The following MRPL45 variants were observed in gnomAD, a reference collection of about 807,000 sequenced individuals.
The protein encoded by MRPL45 is mitochondrial ribosomal protein L45.
A neutral mutation model predicts 38.1 loss-of-function variants in MRPL45; 20 were observed. The ratio of observed to expected loss-of-function variants is 0.53; its 90% CI spans 0.37 to 0.76. MRPL45 has a LOEUF of 0.76. Ranked by LOEUF, MRPL45 falls within the 30% of genes least tolerant of loss-of-function variation. The pLI is 0.00. For missense variants in MRPL45, 337 were observed against 395.6 expected, an observed-to-expected ratio of 0.85 and a Z score of 1.26; for synonymous variants, 105 against 128.8, an observed-to-expected ratio of 0.82 and a Z score of 1.25.
At position 38,322,155 on chromosome 17, in the gene MRPL45, G is replaced by A; in HGVS notation, c.690G>A (p.Arg230=). 2.5e-6 allele frequency: 4 copies of A among 1,614,168 alleles called. No individual in the cohort carries two copies. Among genetic ancestry groups the A allele is most frequent in the Non-Finnish European group, 3.4e-6 (4 of 1,180,022 alleles). ...TGGCCATCTATGACCGGTTTGGCCG[G>A]TTGATGTATGGACAGGAAGATGTAC... The part of the protein sequence containing the change: ...QTLAIYDRFG[R]LMYGQEDVPK... Residue 230 remains arginine (R), a synonymous_variant, in exon 7 of 8, where the codon CGG becomes CGA. Coordinates refer to ENST00000613675, the MANE Select transcript of MRPL45 (RefSeq NM_032351.6).
At chr17:38,318,206 CAAAAAAA>C (rs1163303123) in intron 4 of MRPL45, among the ~76,000 whole-genome samples, 1 of 57,666 alleles carries the variant, frequency 1.7e-5, no homozygotes, top group Admixed American at 2.4e-4. Context: ...GACTCTGTCT[CAAAAAAA>C]AAAAAAAAAA....
chr17:38,304,850 CTTT>C (rs113236896), intron 3 of MRPL45, among the ~76,000 whole-genome samples: 19 of 137,152 alleles, frequency 1.4e-4, no homozygotes, highest in Non-Finnish European at 1.1e-4. Context: ...CCGTAACTTC[CTTT>C]TTTTTTTTTT....
In MRPL45 at chr17:38,320,743, C is replaced by G; in HGVS notation, c.636C>G (p.Ile212Met). ...ACCAGGGCAACGTGTACGGCCAGAT[C>G]ACCGTACGCATGCACACCCGGCAGG... ...MMNQGNVYGQ[I>M]TVRMHTRQTL... Residue 212 changes from isoleucine to methionine, a missense_variant, in exon 6 of 8, where the codon ATC (isoleucine) becomes ATG (methionine). Coordinates refer to ENST00000613675, the MANE Select transcript of MRPL45 (RefSeq NM_032351.6). The G allele has an allele frequency of 3.7e-6, 6 of 1,614,124 alleles. No individual in the cohort carries two copies. The highest frequency in any genetic ancestry group is 1.3e-5 in the African/African-American group (1 of 75,048).
At chr17:38,302,512 T>C (rs1358799430) in intron 3 of MRPL45, among the ~76,000 whole-genome samples, 1 of 126,332 alleles carries the variant, frequency 7.9e-6, no homozygotes, top group Non-Finnish European at 1.5e-5. Flanking sequence ...AAAAGTTTGT[T>C]TTTTTTTTTT....
intron 5 of MRPL45, 63 bp downstream of exon 5, chr17:38,318,798 C>T (rs2037199677): frequency 1.8e-6 from 2 of 1,124,422 alleles, no homozygotes; most frequent in Non-Finnish European, 2.6e-6. Context: ...GATGGCGTCT[C>T]TGGTTTTTCT....
intron 3 of MRPL45, among the ~76,000 whole-genome samples, chr17:38,302,486 C>CAAA (rs1301214106): frequency 3.2e-4 from 18 of 55,762 alleles, no homozygotes; most frequent in South Asian, 1.0e-3. Context: ...GACTCCATCT[C>CAAA]AAAAAAAAAA....
intron 6 of MRPL45, among the ~76,000 whole-genome samples, chr17:38,321,719 TATG>T (rs2037231412): frequency 6.7e-6 from 1 of 149,138 alleles, no homozygotes; most frequent in Non-Finnish European, 1.5e-5. Context: ...AGATTTTTCT[TATG>T]GTGGTTTCAA....
chr17:38,305,393 G>A (rs1439445855), intron 3 of MRPL45, among the ~76,000 whole-genome samples: 2 of 145,034 alleles, frequency 1.4e-5, no homozygotes, highest in African/African-American at 5.0e-5. Context: ...CTTGAACCCA[G>A]GAGGCAGAGG....
At chr17:38,313,344 ATACG>A (rs1343252781) in intron 4 of MRPL45, among the ~76,000 whole-genome samples, 1 of 19,478 alleles carries the variant, frequency 5.1e-5, no homozygotes, top group African/African-American at 2.2e-4. Context: ...ATATATATAT[ATACG>A]TATATATATA....
rs1275238458 is a variant in MRPL45, at chr17:38,315,909, ATT to A, written c.462-2777_462-2776del. 5.3e-5 allele frequency among the ~76,000 whole-genome samples: 8 copies of A among 151,884 alleles called. No individual in the cohort carries two copies. In the South Asian group the frequency reaches 1.3e-3, roughly 24 times the overall value. The stretch of plus-strand genomic sequence containing the variant: ...TGCCTCAGTCTCCCAAGTAGCTGGG[ATT>A]ACAGGCACTTGCCACCCACACCTGG... On this transcript the variant is annotated intron_variant, in intron 4 of 7. Transcript: ENST00000613675.
At chr17:38,302,398 A>C (rs1373578115) in intron 3 of MRPL45, among the ~76,000 whole-genome samples, 1 of 147,562 alleles carries the variant, frequency 6.8e-6, no homozygotes, top group African/African-American at 2.5e-5. Flanking sequence ...GAGGCAGGAG[A>C]ATCGGTTGAA....
At chr17:38,304,085 G>A (rs1440914244) in intron 3 of MRPL45, among the ~76,000 whole-genome samples, 3 of 152,172 alleles carry the variant, frequency 2.0e-5, no homozygotes, top group Non-Finnish European at 2.9e-5. Context: ...GATCTTGCAA[G>A]TCTAAAAAGA....
chr17:38,297,896 G>GAAA (rs1373108119), intron 1 of MRPL45, among the ~76,000 whole-genome samples: 2 of 152,116 alleles, frequency 1.3e-5, no homozygotes, highest in East Asian at 3.8e-4. Flanking sequence ...CCAGGAGTTC[G>GAAA]AAATGAGCCT....
chr17:38,309,517 G>A (rs2037088731), intron 4 of MRPL45, among the ~76,000 whole-genome samples: 1 of 121,358 alleles, frequency 8.2e-6, no homozygotes, highest in Admixed American at 9.4e-5. Context: ...GCAAAACTCC[G>A]TCTCAGAAAA....
intron 3 of MRPL45, among the ~76,000 whole-genome samples, chr17:38,302,510 G>T (rs12325910): frequency 0.78 from 78,741 of 101,216 alleles, 32,173 homozygotes; most frequent in East Asian, 0.99. Flanking sequence ...AAAAAAGTTT[G>T]TTTTTTTTTT....
At chr17:38,313,562 T>A (rs2037146486) in intron 4 of MRPL45, among the ~76,000 whole-genome samples, 1 of 150,486 alleles carries the variant, frequency 6.6e-6, no homozygotes, top group African/African-American at 2.5e-5. Context: ...GTGTGAAGTG[T>A]AGTATCTCAT....
intron 3 of MRPL45, among the ~76,000 whole-genome samples, chr17:38,302,346 G>A (rs761263306): frequency 1.3e-5 from 2 of 151,350 alleles, no homozygotes; most frequent in Non-Finnish European, 2.9e-5. Context: ...ATTTAGCCAA[G>A]CATGGTGGCA....
rs1208374259 is a variant in MRPL45, at chr17:38,306,550, A to G, written c.380A>G (p.Asp127Gly). ...TTTTACAGAATCCGGAGGATAAAAG[A>G]CTATGATGCCAACTTTAAAATAAAG... The part of the protein sequence containing the change: ...ASQVSIRRIK[D>G]YDANFKIKDF... Residue 127 changes from aspartate to glycine, a missense_variant, in exon 4 of 8, where the codon GAC (aspartate) becomes GGC (glycine). Asp to Gly is a moderately conservative substitution (Grantham distance 94, BLOSUM62 -1). Coordinates refer to ENST00000613675, the MANE Select transcript of MRPL45 (RefSeq NM_032351.6). 8 of 1,608,910 alleles carry G rather than the reference A, an allele frequency of 5.0e-6. No homozygotes were observed. Among genetic ancestry groups the G allele is most frequent in the Non-Finnish European group, 6.8e-6 (8 of 1,178,140 alleles).
At chr17:38,309,841 TCA>T (rs1258303302) in intron 4 of MRPL45, among the ~76,000 whole-genome samples, 1 of 152,026 alleles carries the variant, frequency 6.6e-6, no homozygotes, top group Non-Finnish European at 1.5e-5. Context: ...TGGAAAATTC[TCA>T]GTCAGAACTC....
Sources: gnomAD v4.1 joint callset for allele counts (sites outside exome capture counted in the v4.1 genomes callset) on GRCh38, gnomAD v4.1.1 for gene constraint, MANE v1.5 for transcripts, NCBI Gene and HGNC (gene_info 2026-07-23, HGNC 2026-07-21) for gene names.